The following CRHR2 variants were observed in gnomAD, a reference collection of about 807,000 sequenced individuals.
CRHR2 encodes the protein corticotropin-releasing hormone receptor 2.
A neutral mutation model predicts 57.9 loss-of-function variants in CRHR2; 53 were observed. That is an observed-to-expected ratio of 0.92 (90% CI 0.73 to 1.15). The LOEUF (loss-of-function observed/expected upper bound fraction) is 1.15. Among genes scored for constraint, CRHR2 ranks in the 50% most tolerant of loss-of-function variants. CRHR2 has a pLI of 0.00. For synonymous variants in CRHR2, 213 were observed against 220.9 expected, an observed-to-expected ratio of 0.96 and a Z score of 0.32; for missense variants, 532 against 542.6, an observed-to-expected ratio of 0.98 and a Z score of 0.19.
chr7:30,661,712 C>T (rs190636678), intron 7 of CRHR2, among the ~76,000 whole-genome samples: 53 of 152,196 alleles, frequency 3.5e-4, no homozygotes, highest in African/African-American at 1.2e-3. Context: ...GGGAGAACCT[C>T]AGGATGGGAC....
At chr7:30,686,672 T>C, upstream of CRHR2, 1 of 650,436 alleles carries the variant, frequency 1.5e-6, no homozygotes. Flanking sequence ...ATATCATCTA[T>C]GGATAGGATA....
chr7:30,658,965 G>A (rs1366722695), intron 8 of CRHR2, among the ~76,000 whole-genome samples: 2 of 152,238 alleles, frequency 1.3e-5, no homozygotes, highest in African/African-American at 4.8e-5. Flanking sequence ...TGGGGACAAA[G>A]CAGGAGACCT....
At chr7:30,672,176 C>G (rs1784383569) in intron 2 of CRHR2, among the ~76,000 whole-genome samples, 1 of 152,232 alleles carries the variant, frequency 6.6e-6, no homozygotes, top group South Asian at 2.1e-4. Context: ...TGCCCCTTTT[C>G]AAGGCCCAGC....
chr7:30,670,217 T>C (rs1409861808), intron 2 of CRHR2, among the ~76,000 whole-genome samples: 1 of 152,178 alleles, frequency 6.6e-6, no homozygotes, highest in Non-Finnish European at 1.5e-5. Flanking sequence ...CACACACTGA[T>C]CATGACCCAC....
Position 30,667,239 on chromosome 7 carries a change from A to T in CRHR2, c.304T>A (p.Leu102Met). The T allele has an allele frequency of 6.2e-7, 1 of 1,614,158 alleles. No individual in the cohort carries two copies. Among genetic ancestry groups the T allele is most frequent in the South Asian group, 1.1e-5 (1 of 91,084 alleles). ...KINYSQCEPI[L>M]DDKQRKYDLH... The stretch of plus-strand genomic sequence containing the variant: ...TGAGGGCCACTCACCTTGTCATCCA[A>T]AATGGGCTCACACTGTGAGTAGTTG... The change falls in exon 3 of 12, where the codon TTG (leucine) becomes ATG (methionine). Residue 102 changes from leucine to methionine, a missense_variant. By Grantham distance (15) the Leu-to-Met change is conservative. Coordinates refer to ENST00000471646, the MANE Select transcript of CRHR2 (RefSeq NM_001883.5).
intron 2 of CRHR2, among the ~76,000 whole-genome samples, chr7:30,680,380 C>G (rs926838165): frequency 2.0e-5 from 3 of 152,184 alleles, no homozygotes. Flanking sequence ...TCGGGGAGAA[C>G]AAGGCATAGC....
chr7:30,674,041 G>A (rs1240763799), intron 2 of CRHR2, among the ~76,000 whole-genome samples: 1 of 152,144 alleles, frequency 6.6e-6, no homozygotes, highest in African/African-American at 2.4e-5. Flanking sequence ...TCTGAGCCTC[G>A]ACTGCCTGTT....
At chr7:30,685,991 A>G (rs1411488671), upstream of CRHR2, among the ~76,000 whole-genome samples, 1 of 152,142 alleles carries the variant, frequency 6.6e-6, no homozygotes, top group African/African-American at 2.4e-5. Flanking sequence ...AAGGCCCTCC[A>G]GAACAACATG....
intron 2 of CRHR2, chr7:30,688,836 C>T (rs917195): frequency 0.29 from 136,648 of 466,224 alleles, 26,213 homozygotes; most frequent in African/African-American, 0.74. Flanking sequence ...CCTGTAGCCA[C>T]GGCAACCAGA....
chr7:30,664,432 A>G (rs754823320), intron 5 of CRHR2, among the ~76,000 whole-genome samples: 1 of 152,132 alleles, frequency 6.6e-6, no homozygotes, highest in African/African-American at 2.4e-5. Flanking sequence ...TTCCATGTCT[A>G]TGTAATGGGG....
At chr7:30,688,975 G>A (rs1449265306) in intron 2 of CRHR2, 1 of 647,978 alleles carries the variant, frequency 1.5e-6, no homozygotes, top group Non-Finnish European at 2.9e-6. Context: ...TGGCCTCCCA[G>A]CCAAGCCCTT....
At chr7:30,671,328 C>CT (rs1489885792) in intron 2 of CRHR2, among the ~76,000 whole-genome samples, 1 of 152,168 alleles carries the variant, frequency 6.6e-6, no homozygotes, top group Non-Finnish European at 1.5e-5. Flanking sequence ...ACTTCTATCT[C>CT]TGATACCTTC....
chr7:30,671,831 GATGATGATGATA>G lies in CRHR2; in HGVS notation c.230-4530_230-4519del, dbSNP rs761358355. Among the ~76,000 whole-genome samples, 19 of 83,660 alleles carry G rather than the reference GATGATGATGATA, an allele frequency of 2.3e-4. No individual in the cohort carries two copies. The South Asian group carries it at 5.6e-3, about 24-fold the overall frequency. The allele number at this position is 83,660 out of a possible 152,430, so 54.9% of individuals were successfully genotyped here. A position where few individuals can be genotyped will look rare whatever the true frequency, so the allele number is the denominator to read the frequency against. On this transcript the variant is annotated intron_variant, in intron 2 of 11. Coordinates refer to ENST00000471646, the MANE Select transcript of CRHR2 (RefSeq NM_001883.5). The stretch of plus-strand genomic sequence containing the variant: ...TGATGATGATGATGATGATGATGAT[GATGATGATGATA>G]ATGATGATGATGATAGAAGAAGAAG...
In CRHR2 at chr7:30,665,688, G is replaced by T; in HGVS notation, c.316-49C>A. On this transcript the variant is annotated intron_variant, in intron 3 of 11. Transcript: ENST00000471646. This position sits in a 1 kb window ranked among gnomAD's most constrained non-coding sequence, Gnocchi z 4.5. ...GCAGATGGAGGCATGGGCACGTGGG[G>T]GTGGGGCTGGGTATTCCAGCCGTGG... 6.8e-7 allele frequency: 1 copy of T among 1,469,948 alleles called. No homozygotes were observed. The highest frequency in any genetic ancestry group is 9.3e-7 in the Non-Finnish European group (1 of 1,074,912). The allele number at this position is 1,469,948 out of a possible 1,614,324, so 91.1% of individuals were successfully genotyped here.
chr7:30,681,705 A>T (rs1400688310), intron 2 of CRHR2, among the ~76,000 whole-genome samples: 1 of 152,238 alleles, frequency 6.6e-6, no homozygotes, highest in Non-Finnish European at 1.5e-5. Context: ...AATTGTGGGC[A>T]AATCACTGGC....
intron 2 of CRHR2, among the ~76,000 whole-genome samples, chr7:30,669,267 A>G (rs1409945852): frequency 6.6e-6 from 1 of 152,040 alleles, no homozygotes; most frequent in Non-Finnish European, 1.5e-5. Context: ...CTTCTACTCT[A>G]TAGCTCTCTC....
chr7:30,678,103 C>G (rs997982744), intron 2 of CRHR2, among the ~76,000 whole-genome samples: 1 of 152,200 alleles, frequency 6.6e-6, no homozygotes, highest in African/African-American at 2.4e-5. Context: ...AGGGCCAGCT[C>G]TGCCCTGTGT....
At chr7:30,672,166 T>C (rs551989102) in intron 2 of CRHR2, among the ~76,000 whole-genome samples, 79 of 152,224 alleles carry the variant, frequency 5.2e-4, no homozygotes, top group Non-Finnish European at 9.8e-4. Flanking sequence ...AGCTAATTCA[T>C]GCCCCTTTTC....
upstream of CRHR2, among the ~76,000 whole-genome samples, chr7:30,687,270 C>T (rs1275286922): frequency 2.0e-5 from 3 of 152,076 alleles, no homozygotes; most frequent in African/African-American, 7.2e-5. Flanking sequence ...GCCTCTACAT[C>T]CACCATCCGG....
Sources: gnomAD v4.1 joint callset for allele counts (sites outside exome capture counted in the v4.1 genomes callset) on GRCh38, gnomAD v4.1.1 for gene constraint, Gnocchi (gnomAD v3.1) non-coding constraint, MANE v1.5 for transcripts, NCBI Gene and HGNC (gene_info 2026-07-23, HGNC 2026-07-21) for gene names.